Variants in RBMS3 observed in about 807,000 individuals in gnomAD.
RBMS3 encodes RNA binding motif single stranded interacting protein 3.
A neutral mutation model predicts 66.8 loss-of-function variants in RBMS3; 27 were observed. The ratio of observed to expected loss-of-function variants is 0.40; its 90% CI spans 0.30 to 0.56. The LOEUF (loss-of-function observed/expected upper bound fraction) is 0.56. Ranked by LOEUF, RBMS3 falls within the 20% of genes least tolerant of loss-of-function variation. The probability of loss-of-function intolerance (pLI) is 0.40; values close to 1 mark genes in which losing one functional copy is unlikely to be tolerated. For missense variants in RBMS3, 513 were observed against 549.5 expected (o/e 0.93, Z 0.66); for synonymous variants, 188 against 183.0 (o/e 1.03, Z -0.22).
intron 14 of RBMS3, 70 bp downstream of exon 14, chr3:29,991,279 T>A: frequency 6.3e-7 from 1 of 1,597,642 alleles, no homozygotes; most frequent in Non-Finnish European, 8.5e-7. Flanking sequence ...TCATGTTGTA[T>A]GTGTTAGCTT....
At chr3:29,366,881 A>T (rs1053797882) in intron 1 of RBMS3, among the ~76,000 whole-genome samples, 5 of 152,172 alleles carry the variant, frequency 3.3e-5, no homozygotes, top group Admixed American at 1.3e-4. Context: ...GCTTGACATG[A>T]AAATAAAAGT....
At chr3:29,986,585 T>A (rs1698404176) in intron 12 of RBMS3, among the ~76,000 whole-genome samples, 1 of 152,182 alleles carries the variant, frequency 6.6e-6, no homozygotes, top group South Asian at 2.1e-4. Context: ...AGAGGCAAAT[T>A]ACCTATCTGA....
intron 3 of RBMS3, among the ~76,000 whole-genome samples, chr3:29,569,543 A>G (rs1342404735): frequency 1.3e-5 from 2 of 152,172 alleles, no homozygotes; most frequent in African/African-American, 4.8e-5. Flanking sequence ...TTTGTCTCAT[A>G]AGATTCTGAT....
At position 29,835,970 on chromosome 3, in the gene RBMS3, A is replaced by G. The variant is rs143113337; in HGVS notation, c.638-32888A>G. Among the ~76,000 whole-genome samples, 794 of 152,114 alleles carry G rather than the reference A, an allele frequency of 5.2e-3. 8 individuals carry two copies. Among genetic ancestry groups the G allele is most frequent in the African/African-American group, 0.018 (748 of 41,558 alleles). ...CAGACACCACAAAAATAAAAGTATC[A>G]TAAGAGGCTAATATAAACAATTATA... On this transcript the variant is annotated intron_variant, in intron 6 of 14. Transcript: ENST00000383767.
At chr3:29,996,983 G>A (rs1460200000) in intron 14 of RBMS3, among the ~76,000 whole-genome samples, 1 of 151,952 alleles carries the variant, frequency 6.6e-6, no homozygotes, top group Admixed American at 6.6e-5. Context: ...CCAGGAGCTG[G>A]TTTTTTGAAA....
At chr3:29,515,488 C>G (rs768960994) in intron 3 of RBMS3, among the ~76,000 whole-genome samples, 3 of 152,058 alleles carry the variant, frequency 2.0e-5, no homozygotes, top group Non-Finnish European at 4.4e-5. Flanking sequence ...TTTGGAAAGT[C>G]GATTCTGGCA....
At chr3:29,381,550 C>T (rs865951354) in intron 1 of RBMS3, among the ~76,000 whole-genome samples, 51 of 152,148 alleles carry the variant, frequency 3.4e-4, no homozygotes, top group African/African-American at 1.2e-3. Flanking sequence ...GTAAAAATGG[C>T]ACAATTATCC....
chr3:29,852,253 C>A (rs2058953763), intron 6 of RBMS3, among the ~76,000 whole-genome samples: 1 of 152,120 alleles, frequency 6.6e-6, no homozygotes, highest in African/African-American at 2.4e-5. Flanking sequence ...TAGGAATGGG[C>A]AAAGATTTCA....
At chr3:29,640,735 T>C (rs2049672093) in intron 4 of RBMS3, among the ~76,000 whole-genome samples, 1 of 151,964 alleles carries the variant, frequency 6.6e-6, no homozygotes, top group Non-Finnish European at 1.5e-5. Context: ...TTAAAGTAGC[T>C]TTTTACCCTA....
intron 12 of RBMS3, among the ~76,000 whole-genome samples, chr3:29,983,522 CA>C (rs1164096007): frequency 1.3e-5 from 2 of 152,036 alleles, no homozygotes; most frequent in African/African-American, 2.4e-5. Flanking sequence ...ATGGTCTTTA[CA>C]ATTTGATATA....
At chr3:29,771,145 C>T (rs1169178044) in intron 6 of RBMS3, among the ~76,000 whole-genome samples, 6 of 151,974 alleles carry the variant, frequency 3.9e-5, no homozygotes, top group Non-Finnish European at 7.4e-5. Flanking sequence ...TAGCTGCTTC[C>T]TCTTATTTCT....
intron 3 of RBMS3, among the ~76,000 whole-genome samples, chr3:29,552,434 G>A (rs1017972871): frequency 2.6e-5 from 4 of 152,046 alleles, no homozygotes; most frequent in African/African-American, 4.8e-5. Context: ...AATCTTCCCC[G>A]CAGCCTGACT....
In RBMS3 at chr3:29,978,456, G is replaced by A. The variant is rs534977933; in HGVS notation, c.1099-9687G>A. ...TTAGGTTTTCTGTGACAAAAAAAAA[G>A]CAAGCAGAAAGATTTTTTTTCATTA... On this transcript the variant is annotated intron_variant, in intron 12 of 14. Transcript: ENST00000383767. 7.9e-5 allele frequency among the ~76,000 whole-genome samples: 12 copies of A among 151,192 alleles called. No individual in the cohort carries two copies. The East Asian group carries it at 2.3e-3, about 29-fold the overall frequency.
At position 29,517,313 on chromosome 3, in the gene RBMS3, A is replaced by G. The variant is rs975766610; in HGVS notation, c.307+28814A>G. Among the ~76,000 whole-genome samples, 141 of 122,526 alleles carry G rather than the reference A, an allele frequency of 1.2e-3. 1 individual carries two copies. The highest frequency in any genetic ancestry group is 5.5e-3 in the South Asian group (19 of 3,442). 80.4% of individuals were successfully genotyped at this position (122,526 alleles called of 152,430 possible). A position where few individuals can be genotyped will look rare whatever the true frequency, so the allele number is the denominator to read the frequency against. ...TGTGTGTGTGTGTGTGTGTGTATATATATATATTTTTTTTTTGTTTTTTTT... is the reference window on the plus strand; with the variant it reads ...TGTGTGTGTGTGTGTGTGTGTATATGTATATATTTTTTTTTTGTTTTTTTT... On this transcript the variant is annotated intron_variant, in intron 3 of 14. Coordinates refer to ENST00000383767, the MANE Select transcript of RBMS3 (RefSeq NM_001003793.3).
intron 6 of RBMS3, among the ~76,000 whole-genome samples, chr3:29,828,262 G>A (rs897184612): frequency 6.6e-6 from 1 of 152,086 alleles, no homozygotes; most frequent in Non-Finnish European, 1.5e-5. Context: ...TCTCCGTCTG[G>A]TGGCTCTTTC....
intron 4 of RBMS3, among the ~76,000 whole-genome samples, chr3:29,642,220 T>A (rs891735457): frequency 1.3e-5 from 2 of 152,054 alleles, no homozygotes; most frequent in African/African-American, 2.4e-5. Flanking sequence ...CAATTCTAAG[T>A]GGAAATGCTG....
At chr3:29,436,369 G>A (rs1040392363) in intron 2 of RBMS3, among the ~76,000 whole-genome samples, 1 of 152,142 alleles carries the variant, frequency 6.6e-6, no homozygotes, top group Non-Finnish European at 1.5e-5. Flanking sequence ...TGTTGCTACT[G>A]AGTGCCTTGA....
At chr3:29,517,317 ATAT>A (rs1340233295) in intron 3 of RBMS3, among the ~76,000 whole-genome samples, 2 of 129,138 alleles carry the variant, frequency 1.5e-5, no homozygotes, top group African/African-American at 6.7e-5. Context: ...GTATATATAT[ATAT>A]TTTTTTTTTG....
Position 29,578,790 on chromosome 3 carries a change from C to CTTTTTTTTTTTTTTTTTTTTTTTT in RBMS3, c.308-8302_308-8301insTTTTTTTTTTTTTTTTTTTTTTTT, listed in dbSNP as rs1185861167. 1.3e-4 allele frequency among the ~76,000 whole-genome samples: 13 copies of CTTTTTTTTTTTTTTTTTTTTTTTT among 101,062 alleles called. 1 individual carries two copies. Among genetic ancestry groups the CTTTTTTTTTTTTTTTTTTTTTTTT allele is most frequent in the African/African-American group, 3.2e-4 (7 of 22,048 alleles). 66.3% of individuals were successfully genotyped at this position (101,062 alleles called of 152,430 possible). Reference sequence around the variant, plus strand: ...AAAGAATCACAGGTAATACATGCTTCTTTTTTTTTTTTTTTTTTTTTTGAG... The same window carrying CTTTTTTTTTTTTTTTTTTTTTTTT: ...AAAGAATCACAGGTAATACATGCTTCTTTTTTTTTTTTTTTTTTTTTTTTTTTTTTTTTTTTTTTTTTTTTTGAG... On this transcript the variant is annotated intron_variant, in intron 3 of 14. Coordinates refer to ENST00000383767, the MANE Select transcript of RBMS3 (RefSeq NM_001003793.3).
Sources: allele counts gnomAD v4.1 joint callset (sites outside exome capture counted in the v4.1 genomes callset), GRCh38; gene constraint gnomAD v4.1.1; transcripts MANE v1.5; gene names NCBI Gene and HGNC (gene_info 2026-07-23, HGNC 2026-07-21).